The following TCF12 variants were observed in gnomAD, a reference collection of about 807,000 sequenced individuals.
TCF12 encodes DNA-binding protein HTF4.
A neutral mutation model predicts 86.0 loss-of-function variants in TCF12; 45 were observed. The ratio of observed to expected loss-of-function variants is 0.52; its 90% CI spans 0.41 to 0.67. TCF12 has a LOEUF of 0.67. TCF12 is among the 30% of genes least tolerant of loss of function. The probability of loss-of-function intolerance (pLI) is 0.00; values close to 1 mark genes in which losing one functional copy is unlikely to be tolerated. For synonymous variants in TCF12, 330 were observed against 299.6 expected (o/e 1.10, Z -1.05); for missense variants, 881 against 859.9 (o/e 1.02, Z -0.31).
At chr15:57,048,254 G>C (rs1399571365) in intron 3 of TCF12, among the ~76,000 whole-genome samples, 2 of 137,926 alleles carry the variant, frequency 1.5e-5, no homozygotes, top group Non-Finnish European at 1.5e-5. Context: ...TTGTTTGTTT[G>C]TTTTGTTTTG....
intron 6 of TCF12, among the ~76,000 whole-genome samples, chr15:57,182,419 G>T (rs2056410845): frequency 6.6e-6 from 1 of 151,900 alleles, no homozygotes; most frequent in African/African-American, 2.4e-5. Flanking sequence ...TTTGTAGACT[G>T]TCAAGTCCTT....
intron 3 of TCF12, among the ~76,000 whole-genome samples, chr15:56,961,518 C>G (rs1376774189): frequency 6.6e-6 from 1 of 152,170 alleles, no homozygotes; most frequent in African/African-American, 2.4e-5. Context: ...TAGTCAAACA[C>G]ATAGTATTAT....
In TCF12 at chr15:57,063,795, A is replaced by G. The variant is rs2068640933; in HGVS notation, c.194A>G (p.Gln65Arg). Residue 65 changes from glutamine to arginine, a missense_variant, in exon 4 of 21, where the codon CAA (glutamine) becomes CGA (arginine). By Grantham distance (43) the Gln-to-Arg change is conservative. Around this residue, in one of 3 missense-constraint regions of TCF12, gnomAD observed 766 missense variants for 718.9 expected, o/e 1.07. Coordinates refer to ENST00000333725, the MANE Select transcript of TCF12 (RefSeq NM_207037.2). ...ACAACATCTTGGGGAACAAGTGGTC[A>G]ACCAAGTCCTTCCTATGATTCATCT... is the stretch of plus-strand genomic sequence containing the variant. The part of the protein sequence containing the change: ...GGTTSWGTSG[Q>R]PSPSYDSSRG... 6.2e-7 allele frequency: 1 copy of G among 1,603,160 alleles called. No individual in the cohort carries two copies. Among genetic ancestry groups the G allele is most frequent in the Non-Finnish European group, 8.5e-7 (1 of 1,171,700 alleles).
intron 19 of TCF12, chr15:57,278,697 T>TCTCTCCCTCCCTCCCCCC (rs2061519374): frequency 8.4e-6 from 1 of 118,688 alleles, no homozygotes; most frequent in South Asian, 2.0e-4. Flanking sequence ...CCTCTCCCTC[T>TCTCTCCCTCCCTCCCCCC]CTCTCCCTCC....
chr15:57,101,100 T>A (rs2049711848), intron 5 of TCF12, among the ~76,000 whole-genome samples: 1 of 152,168 alleles, frequency 6.6e-6, no homozygotes, highest in African/African-American at 2.4e-5. Context: ...AGCCTTTGCC[T>A]TTCATAATTC....
At chr15:57,281,104 C>CT (rs5812880) in intron 19 of TCF12, among the ~76,000 whole-genome samples, 7,646 of 133,934 alleles carry the variant, frequency 0.057, 461 homozygotes, top group Admixed American at 0.17. Flanking sequence ...GCACCCTATT[C>CT]TTTTTTTTTT....
rs1212315516 is a variant in TCF12 at position 57,185,542 on chromosome 15, TAAAC to T, written c.391-6612_391-6609del. Reference sequence around the variant, plus strand: ...AAATAACAAAAGATTAGAACAGAAATAAACAAAATAGAGACAAGAAGGACAATAT... The same window carrying T: ...AAATAACAAAAGATTAGAACAGAAATAAAATAGAGACAAGAAGGACAATAT... On this transcript the variant is annotated intron_variant, in intron 6 of 20. Transcript: ENST00000333725. Among the ~76,000 whole-genome samples the T allele has an allele frequency of 2.6e-5, 4 of 151,880 alleles. No individual in the cohort carries two copies. The South Asian group carries it at 6.3e-4, about 24-fold the overall frequency.
intron 3 of TCF12, among the ~76,000 whole-genome samples, chr15:57,032,092 T>C (rs931050750): frequency 2.9e-4 from 44 of 152,188 alleles, no homozygotes; most frequent in African/African-American, 1.0e-3. Flanking sequence ...CTCAGGAAAT[T>C]GGAAAAGAGA....
intron 5 of TCF12, among the ~76,000 whole-genome samples, chr15:57,139,542 C>T (rs771197862): frequency 1.1e-4 from 16 of 152,044 alleles, no homozygotes; most frequent in Non-Finnish European, 1.8e-4. Flanking sequence ...TAGTATCACT[C>T]ATTACATAGG....
chr15:57,060,369 TAATTG>T (rs1345604943), intron 3 of TCF12, among the ~76,000 whole-genome samples: 1 of 152,212 alleles, frequency 6.6e-6, no homozygotes, highest in Admixed American at 6.5e-5. Flanking sequence ...ACATTTGACT[TAATTG>T]ATTCCATTCA....
At chr15:57,156,943 G>A (rs79404223) in intron 5 of TCF12, among the ~76,000 whole-genome samples, 1,827 of 152,290 alleles carry the variant, frequency 0.012, 17 homozygotes, top group Non-Finnish European at 0.02. Context: ...GAGTCAGTGT[G>A]TCAGAAGGAG....
In TCF12 at chr15:56,987,013, TAATA is replaced by T. The variant is rs559039177; in HGVS notation, c.148+65921_148+65924del. 1.5e-3 allele frequency among the ~76,000 whole-genome samples: 229 copies of T among 152,344 alleles called. 1 individual carries two copies. The highest frequency in any genetic ancestry group is 2.9e-4 in the Non-Finnish European group (20 of 68,032). On this transcript the variant is annotated intron_variant, in intron 3 of 20. Transcript: ENST00000333725. ...AATCTTGGTCTATAATATTACTAAT[TAATA>T]AATAAGTTTTTGAGGATAACGCCAA...
chr15:56,939,185 A>G (rs927090457), intron 3 of TCF12, among the ~76,000 whole-genome samples: 20 of 152,162 alleles, frequency 1.3e-4, no homozygotes, highest in Non-Finnish European at 1.8e-4. Flanking sequence ...AATGTATTCC[A>G]TTAAATAAAA....
At chr15:57,009,119 G>A (rs1266983028) in intron 3 of TCF12, among the ~76,000 whole-genome samples, 1 of 151,858 alleles carries the variant, frequency 6.6e-6, no homozygotes, top group African/African-American at 2.4e-5. Context: ...CTTTTTTGTT[G>A]TTGTTTTGAG....
intron 5 of TCF12, among the ~76,000 whole-genome samples, chr15:57,096,366 AG>A (rs1329980190): frequency 1.3e-5 from 2 of 152,110 alleles, no homozygotes; most frequent in African/African-American, 2.4e-5. Flanking sequence ...AGTTTTCTGT[AG>A]GACACTGGGA....
chr15:57,155,342 T>G (rs1370424373), intron 5 of TCF12, among the ~76,000 whole-genome samples: 1 of 152,190 alleles, frequency 6.6e-6, no homozygotes, highest in Non-Finnish European at 1.5e-5. Flanking sequence ...TATGCCTTAC[T>G]CACAAATCAA....
intron 13 of TCF12, 180 bp from the exon 14 acceptor site, chr15:57,251,170 T>G: frequency 4.3e-6 from 2 of 466,340 alleles, no homozygotes; most frequent in South Asian, 8.5e-5. Flanking sequence ...TTTTTTTTAT[T>G]AATAATGAAA....
rs532316281 is a variant in TCF12, at chr15:57,163,210, TAAAA to T, written c.326-3188_326-3185del. ...AAAATAAAAAATGTAGTTCACTAAT[TAAAA>T]AAACTCTACAGGTGAATAGGATGTT... On this transcript the variant is annotated intron_variant, in intron 5 of 20. Transcript: ENST00000333725. Among the ~76,000 whole-genome samples the T allele has an allele frequency of 4.3e-4, 65 of 152,116 alleles. 1 individual carries two copies. The East Asian group carries it at 9.7e-3, about 23-fold the overall frequency.
At chr15:57,136,950 T>C (rs975679786) in intron 5 of TCF12, among the ~76,000 whole-genome samples, 16 of 142,250 alleles carry the variant, frequency 1.1e-4, no homozygotes, top group African/African-American at 4.2e-4. Flanking sequence ...TAGCCACTGC[T>C]TCTGGCAGTT....
Sources: allele counts gnomAD v4.1 joint callset (sites outside exome capture counted in the v4.1 genomes callset), GRCh38; gene constraint gnomAD v4.1.1; regional missense constraint gnomAD v4.1.1; transcripts MANE v1.5; gene names NCBI Gene and HGNC (gene_info 2026-07-23, HGNC 2026-07-21).